Variants in EFCAB6 observed in about 807,000 individuals in gnomAD.
EFCAB6 encodes the protein EF-hand calcium binding domain 6.
In EFCAB6, 156 loss-of-function variants were observed where a neutral mutation model predicts 169.8. The ratio of observed to expected loss-of-function variants is 0.92; its 90% CI spans 0.81 to 1.05. The LOEUF (loss-of-function observed/expected upper bound fraction) is 1.05, where lower values mean the gene tolerates loss of function less well. Among genes scored for constraint, EFCAB6 ranks in the 50% least tolerant of loss-of-function variants. The pLI is 0.00. For missense variants in EFCAB6, 1,800 were observed against 1,829.1 expected, an observed-to-expected ratio of 0.98 and a Z score of 0.29; for synonymous variants, 698 against 676.4, an observed-to-expected ratio of 1.03 and a Z score of -0.50.
intron 26 of EFCAB6, among the ~76,000 whole-genome samples, chr22:43,564,056 T>G (rs2049260340): frequency 6.6e-6 from 1 of 152,186 alleles, no homozygotes; most frequent in African/African-American, 2.4e-5. Context: ...CCGTCCTCCA[T>G]CTGAGAAATG....
chr22:43,647,579 T>C (rs1265080906), intron 17 of EFCAB6, among the ~76,000 whole-genome samples: 2 of 152,236 alleles, frequency 1.3e-5, no homozygotes, highest in Non-Finnish European at 2.9e-5. Flanking sequence ...GTCTCAATCC[T>C]GGTTCCAGTG....
intron 17 of EFCAB6, among the ~76,000 whole-genome samples, chr22:43,641,596 A>G (rs1222628982): frequency 3.4e-5 from 5 of 149,038 alleles, no homozygotes; most frequent in Non-Finnish European, 7.4e-5. Context: ...AGCCTGGGAG[A>G]CAAAAGCAAA....
chr22:43,551,690 G>GTGT (rs942426224), intron 27 of EFCAB6, among the ~76,000 whole-genome samples: 1 of 152,106 alleles, frequency 6.6e-6, no homozygotes, highest in Non-Finnish European at 1.5e-5. Context: ...GCCCCAGTGT[G>GTGT]TGTTGTTCCC....
chr22:43,528,902 A>G lies in EFCAB6; in HGVS notation c.4457T>C (p.Leu1486Pro). 6.2e-7 allele frequency: 1 copy of G among 1,611,740 alleles called. No homozygotes were observed. The highest frequency in any genetic ancestry group is 8.5e-7 in the Non-Finnish European group (1 of 1,178,106). The change falls in exon 32 of 32, where the codon CTG becomes CCG. Residue 1486 changes from leucine (L) to proline (P), a missense_variant. By Grantham distance (98) the Leu-to-Pro change is moderately conservative. Transcript: ENST00000262726. Reference protein sequence around the residue: ...FHILEYYDKTLSSKISYNDFL... With the variant: ...FHILEYYDKTPSSKISYNDFL... ...GTCGTTGTAGGAGATTTTTGAAGAC[A>G]GCGTCTTATCGTAATACTCCAGAAT... is the stretch of plus-strand genomic sequence containing the variant.
intron 17 of EFCAB6, among the ~76,000 whole-genome samples, chr22:43,639,890 G>A (rs778089763): frequency 5.3e-5 from 8 of 151,050 alleles, no homozygotes; most frequent in Middle Eastern, 3.5e-3. Flanking sequence ...ATCTATCCTC[G>A]GGCTCATTGA....
At chr22:43,807,249 A>C (rs2062954479) in intron 2 of EFCAB6, among the ~76,000 whole-genome samples, 1 of 152,208 alleles carries the variant, frequency 6.6e-6, no homozygotes, top group African/African-American at 2.4e-5. Flanking sequence ...GAGTATGACC[A>C]AGGCACTGTG....
intron 23 of EFCAB6, among the ~76,000 whole-genome samples, 184 bp from the exon 24 acceptor site, chr22:43,590,413 G>A (rs1478969243): frequency 1.3e-5 from 2 of 151,066 alleles, no homozygotes; most frequent in African/African-American, 4.9e-5. Flanking sequence ...TATTATGTCT[G>A]TATCATTATC....
Position 43,537,322 on chromosome 22 carries a change from C to T in EFCAB6, c.4048+55G>A, listed in dbSNP as rs2047442053. 6.3e-7 allele frequency: 1 copy of T among 1,588,220 alleles called. No individual in the cohort carries two copies. The highest frequency in any genetic ancestry group is 2.2e-5 in the East Asian group (1 of 44,524). ...GTGGCTTTGTACCCAGTGGGAACAGCCTCTTGCCACAGGGGCTGACCACAT... is the reference window on the plus strand; with the variant it reads ...GTGGCTTTGTACCCAGTGGGAACAGTCTCTTGCCACAGGGGCTGACCACAT... On this transcript the variant is annotated intron_variant, in intron 29 of 31. Coordinates refer to ENST00000262726, the MANE Select transcript of EFCAB6 (RefSeq NM_022785.4). This position sits in a 1 kb window ranked among gnomAD's most constrained non-coding sequence, Gnocchi z 4.3.
chr22:43,772,509 C>T (rs1418969717), intron 4 of EFCAB6, among the ~76,000 whole-genome samples: 1 of 151,950 alleles, frequency 6.6e-6, no homozygotes, highest in East Asian at 1.9e-4. Context: ...ATCATGGTGG[C>T]CCACGCCTGT....
intron 8 of EFCAB6, among the ~76,000 whole-genome samples, chr22:43,720,204 C>T (rs558521461): frequency 5.3e-4 from 80 of 151,928 alleles, no homozygotes; most frequent in Admixed American, 7.9e-4. Context: ...AAGACTAGGC[C>T]GGGTTCAAGG....
At chr22:43,641,877 G>T (rs1569302502) in intron 17 of EFCAB6, among the ~76,000 whole-genome samples, 1 of 152,198 alleles carries the variant, frequency 6.6e-6, no homozygotes, top group African/African-American at 2.4e-5. Context: ...AGAGATTCCT[G>T]TTTATATTTA....
chr22:43,561,917 A>T (rs1323232018), intron 26 of EFCAB6, among the ~76,000 whole-genome samples: 3 of 152,208 alleles, frequency 2.0e-5, no homozygotes, highest in Non-Finnish European at 4.4e-5. Context: ...GACAGAAATC[A>T]CAGCTGCAAC....
intron 17 of EFCAB6, among the ~76,000 whole-genome samples, chr22:43,647,581 G>C (rs1395599983): frequency 6.6e-6 from 1 of 152,184 alleles, no homozygotes; most frequent in African/African-American, 2.4e-5. Flanking sequence ...CTCAATCCTG[G>C]TTCCAGTGAA....
At chr22:43,668,811 A>G (rs368035237) in intron 16 of EFCAB6, 61 bp downstream of exon 16, 1 of 1,364,124 alleles carries the variant, frequency 7.3e-7, no homozygotes, top group Non-Finnish European at 9.7e-7. Context: ...TAGTTACTAA[A>G]TACCTATTCC....
chr22:43,590,045 G>T (rs1198110909), intron 24 of EFCAB6, 29 bp downstream of exon 24: 1 of 1,599,976 alleles, frequency 6.3e-7, no homozygotes, highest in African/African-American at 1.3e-5. Flanking sequence ...AGGGCCATGA[G>T]AAACATATTT....
intron 2 of EFCAB6, among the ~76,000 whole-genome samples, chr22:43,801,913 C>T (rs906589639): frequency 6.6e-6 from 1 of 152,138 alleles, no homozygotes; most frequent in African/African-American, 2.4e-5. Flanking sequence ...AATTAAAAAG[C>T]ATAGAGTGGC....
chr22:43,578,475 T>C (rs745364196), intron 25 of EFCAB6, among the ~76,000 whole-genome samples: 1 of 152,086 alleles, frequency 6.6e-6, no homozygotes, highest in Admixed American at 6.5e-5. Flanking sequence ...TGCCTTGTTC[T>C]CTTCGATGCC....
At chr22:43,682,305 C>G (rs907212276) in intron 12 of EFCAB6, among the ~76,000 whole-genome samples, 1 of 152,310 alleles carries the variant, frequency 6.6e-6, no homozygotes, top group African/African-American at 2.4e-5. Context: ...GTGCCCAGCA[C>G]GGGGGCCCAG....
chr22:43,616,182 C>T (rs1253062579), intron 20 of EFCAB6, among the ~76,000 whole-genome samples: 1 of 152,316 alleles, frequency 6.6e-6, no homozygotes, highest in East Asian at 1.9e-4. Context: ...ACAAAACAAA[C>T]AGGGCTCATT....
Sources: gnomAD v4.1 joint callset for allele counts (sites outside exome capture counted in the v4.1 genomes callset) on GRCh38, gnomAD v4.1.1 for gene constraint, Gnocchi (gnomAD v3.1) non-coding constraint, MANE v1.5 for transcripts, NCBI Gene and HGNC (gene_info 2026-07-23, HGNC 2026-07-21) for gene names.